ZDHHC18: variants seen among roughly 807,000 people sequenced by gnomAD.
ZDHHC18 encodes the protein zDHHC palmitoyltransferase 18.
Under a neutral mutation model 37.5 loss-of-function variants are expected in ZDHHC18, and 23 were observed. The observed-to-expected ratio is 0.61, with a 90% CI of 0.44 to 0.87. The LOEUF (loss-of-function observed/expected upper bound fraction) is 0.87. ZDHHC18 is among the 40% of genes least tolerant of loss of function. ZDHHC18 has a pLI of 0.00. For missense variants in ZDHHC18, 406 were observed against 525.6 expected, an observed-to-expected ratio of 0.77 and a Z score of 2.22; for synonymous variants, 185 against 218.7, an observed-to-expected ratio of 0.85 and a Z score of 1.36.
chr1:26,836,872 C>T (rs1455897026), intron 2 of ZDHHC18, among the ~76,000 whole-genome samples: 1 of 148,442 alleles, frequency 6.7e-6, no homozygotes, highest in Non-Finnish European at 1.5e-5. Context: ...CTGGCTGTAC[C>T]TTCATTTCTT....
At position 26,857,477 on chromosome 1, in the gene ZDHHC18, AG is replaced by A. The variant is rs571376077; in HGVS notation, c.*3638del. 9.2e-5 allele frequency: 14 copies of A among 152,160 alleles called. No individual in the cohort carries two copies. The highest frequency in any genetic ancestry group is 3.4e-4 in the African/African-American group (14 of 41,468). The allele number at this position is 152,160 out of a possible 1,614,324, so 9.4% of individuals were successfully genotyped here. A position where few individuals can be genotyped will look rare whatever the true frequency, so the allele number is the denominator to read the frequency against. Reference sequence around the variant, plus strand: ...AGCCGTGCACAGCCCCATACACTTCAGGGGACTAAAGGAAAGAGCTGAGCCA... The same window carrying A: ...AGCCGTGCACAGCCCCATACACTTCAGGGACTAAAGGAAAGAGCTGAGCCA... On this transcript the variant is annotated 3_prime_UTR_variant, in exon 8 of 8. Transcript: ENST00000374142.
Position 26,850,036 on chromosome 1 carries a change from G to C in ZDHHC18, c.647-265G>C, listed in dbSNP as rs1340692090. Among the ~76,000 whole-genome samples the C allele has an allele frequency of 2.0e-5, 3 of 152,232 alleles. No individual in the cohort carries two copies. Among genetic ancestry groups the C allele is most frequent in the African/African-American group, 7.2e-5 (3 of 41,458 alleles). On this transcript the variant is annotated intron_variant, in intron 3 of 7. Coordinates refer to ENST00000374142, the MANE Select transcript of ZDHHC18 (RefSeq NM_032283.3). This position sits in a 1 kb window ranked among gnomAD's most constrained non-coding sequence, Gnocchi z 6.1. ...GGCCCCCTCCCCTAGTCTGGGATTG[G>C]AAGAGACTTTCTTAAGGAGGTGGCT...
rs866259658 is a variant in ZDHHC18 at position 26,854,831 on chromosome 1, G to A, written c.*988G>A. On this transcript the variant is annotated 3_prime_UTR_variant, in exon 8 of 8. Coordinates refer to ENST00000374142, the MANE Select transcript of ZDHHC18 (RefSeq NM_032283.3). This position sits in a 1 kb window ranked among gnomAD's most constrained non-coding sequence, Gnocchi z 4.6. ...TTCCAAGAGACCTTCTGGCTGGAAT[G>A]AGTGAGAGTGTGTGTGCATGTGTGT... is the stretch of plus-strand genomic sequence containing the variant. 3 of 152,518 alleles carry A rather than the reference G, an allele frequency of 2.0e-5. No homozygotes were observed. The highest frequency in any genetic ancestry group is 7.2e-5 in the African/African-American group (3 of 41,426). 9.4% of individuals were successfully genotyped at this position (152,518 alleles called of 1,614,324 possible).
chr1:26,827,106 TC>T lies in ZDHHC18; in HGVS notation c.304del (p.Leu102SerfsTer19). The T allele has an allele frequency of 5.6e-6, 8 of 1,419,238 alleles. No individual in the cohort carries two copies. The highest frequency in any genetic ancestry group is 7.3e-6 in the Non-Finnish European group (8 of 1,089,736). 87.9% of individuals were successfully genotyped at this position (1,419,238 alleles called of 1,614,324 possible). The stretch of plus-strand genomic sequence containing the variant: ...GTCTTCGCGCTCACGCTGCTGCTCA[TC>T]CTCACCACCACCGGCCTCTTCTTCG... ...GGVFALTLLL[I>X]LTTTGLFFVF... On this transcript the variant is annotated frameshift_variant, in exon 1 of 8. Coordinates refer to ENST00000374142, the MANE Select transcript of ZDHHC18 (RefSeq NM_032283.3). LOFTEE classifies it high-confidence loss of function.
rs866927370 is a variant in ZDHHC18 at position 26,850,490 on chromosome 1, C to T, written c.784+52C>T. 4 of 1,614,206 alleles carry T rather than the reference C, an allele frequency of 2.5e-6. No individual in the cohort carries two copies. The highest frequency in any genetic ancestry group is 3.4e-6 in the Non-Finnish European group (4 of 1,180,020). On this transcript the variant is annotated intron_variant, in intron 4 of 7. Coordinates refer to ENST00000374142, the MANE Select transcript of ZDHHC18 (RefSeq NM_032283.3). The surrounding 1 kb of genome is among the most constrained non-coding windows in gnomAD (Gnocchi z 6.1). Reference sequence around the variant, plus strand: ...AGTGGAAGGGGTCAGCCAGCAAGCTCAAGGGTCAGCAAGCTTCAGCAGTCA... The same window carrying T: ...AGTGGAAGGGGTCAGCCAGCAAGCTTAAGGGTCAGCAAGCTTCAGCAGTCA...
Position 26,855,162 on chromosome 1 carries a change from G to A in ZDHHC18, c.*1319G>A, listed in dbSNP as rs1054700866. The A allele has an allele frequency of 2.2e-4, 33 of 152,318 alleles. No homozygotes were observed. Among genetic ancestry groups the A allele is most frequent in the Non-Finnish European group, 4.3e-4 (29 of 68,108 alleles). The allele number at this position is 152,318 out of a possible 1,614,324, so 9.4% of individuals were successfully genotyped here. Reference sequence around the variant, plus strand: ...AGACAGGCTGAGCCTGGGCGTGGTGGGTGGGGTGATGGCTCTGGGGAGCGG... The same window carrying A: ...AGACAGGCTGAGCCTGGGCGTGGTGAGTGGGGTGATGGCTCTGGGGAGCGG... On this transcript the variant is annotated 3_prime_UTR_variant, in exon 8 of 8. Transcript: ENST00000374142.
At position 26,852,849 on chromosome 1, in the gene ZDHHC18, G is replaced by T; in HGVS notation, c.1033G>T (p.Gly345Cys). ...IITNCCAVLCGPLPPSLIDRR... is the reference protein window; with the variant it reads ...IITNCCAVLCCPLPPSLIDRR... ...CACCAACTGCTGTGCTGTGCTCTGT[G>T]GCCCCCTACCTCCCAGGTAAGTGAG... The change falls in exon 7 of 8, where the codon GGC becomes TGC. Residue 345 changes from glycine to cysteine, a missense_variant. Coordinates refer to ENST00000374142, the MANE Select transcript of ZDHHC18 (RefSeq NM_032283.3). The T allele has an allele frequency of 6.2e-7, 1 of 1,613,924 alleles. No individual in the cohort carries two copies. The highest frequency in any genetic ancestry group is 8.5e-7 in the Non-Finnish European group (1 of 1,179,890).
At chr1:26,827,358 A>G (rs1035347950) in intron 1 of ZDHHC18, among the ~76,000 whole-genome samples, 12 of 74,364 alleles carry the variant, frequency 1.6e-4, no homozygotes, top group African/African-American at 6.4e-4. Context: ...TGGGTACCCC[A>G]TCCGCGCTGG....
intron 2 of ZDHHC18, among the ~76,000 whole-genome samples, chr1:26,848,299 T>G: frequency 6.7e-6 from 1 of 150,224 alleles, no homozygotes. Flanking sequence ...GGCGACAGAG[T>G]GAGACTCTGC....
chr1:26,834,917 A>G (rs1464267429), intron 2 of ZDHHC18, among the ~76,000 whole-genome samples: 3 of 152,246 alleles, frequency 2.0e-5, no homozygotes, highest in Non-Finnish European at 4.4e-5. Flanking sequence ...GTTCCAGACA[A>G]GTTGGCCCCA....
intron 2 of ZDHHC18, among the ~76,000 whole-genome samples, chr1:26,834,935 G>T (rs902890300): frequency 5.3e-5 from 8 of 152,242 alleles, no homozygotes; most frequent in Non-Finnish European, 1.0e-4. Flanking sequence ...CCAGGTGGGA[G>T]CCCTGACCAG....
intron 2 of ZDHHC18, among the ~76,000 whole-genome samples, chr1:26,848,127 C>T (rs560499691): frequency 2.6e-5 from 4 of 152,090 alleles, no homozygotes; most frequent in Non-Finnish European, 4.4e-5. Flanking sequence ...GCCTGGCCAA[C>T]GTGGTGAAAC....
intron 6 of ZDHHC18, among the ~76,000 whole-genome samples, chr1:26,852,471 A>G (rs1265380161): frequency 2.0e-5 from 3 of 152,122 alleles, no homozygotes; most frequent in Non-Finnish European, 4.4e-5. Flanking sequence ...CCCCTGCGCT[A>G]CCCTCCTTCA....
rs2081698940 is a variant in ZDHHC18, at chr1:26,850,745, C to G, written c.833+139C>G. 7.7e-6 allele frequency: 8 copies of G among 1,043,436 alleles called. No homozygotes were observed. In the South Asian group the frequency reaches 1.2e-4, roughly 15 times the overall value. 64.6% of individuals were successfully genotyped at this position (1,043,436 alleles called of 1,614,324 possible). A position where few individuals can be genotyped will look rare whatever the true frequency, so the allele number is the denominator to read the frequency against. ...TCCAGAATCCAACATGCCAGCTCTT[C>G]TGTTCACACCCAGGCAAGAGCTGAT... On this transcript the variant is annotated intron_variant, in intron 5 of 7. Transcript: ENST00000374142. This position sits in a 1 kb window ranked among gnomAD's most constrained non-coding sequence, Gnocchi z 6.1.
chr1:26,830,941 C>T (rs2081586589), intron 1 of ZDHHC18, among the ~76,000 whole-genome samples: 1 of 152,120 alleles, frequency 6.6e-6, no homozygotes, highest in South Asian at 2.1e-4. Context: ...TGCTACCACA[C>T]CCTGCTAATT....
chr1:26,842,150 AGAG>A (rs574862640), intron 2 of ZDHHC18, among the ~76,000 whole-genome samples: 7,958 of 144,296 alleles, frequency 0.055, 251 homozygotes, highest in Non-Finnish European at 0.075. Flanking sequence ...AAAAAAAAAA[AGAG>A]AGAGAGAGAG....
rs1479096929 is a variant in ZDHHC18 at position 26,855,983 on chromosome 1, CAG to C, written c.*2141_*2142del. On this transcript the variant is annotated 3_prime_UTR_variant, in exon 8 of 8. Coordinates refer to ENST00000374142, the MANE Select transcript of ZDHHC18 (RefSeq NM_032283.3). ...TTGTCCCCTCCACCTTCCCCTGCCTCAGGGGCTTGGAGACCCCCAAATTCTTC... is the reference window on the plus strand; with the variant it reads ...TTGTCCCCTCCACCTTCCCCTGCCTCGGGCTTGGAGACCCCCAAATTCTTC... The C allele has an allele frequency of 3.3e-6, 1 of 306,724 alleles. No individual in the cohort carries two copies. Among genetic ancestry groups the C allele is most frequent in the African/African-American group, 2.2e-5 (1 of 46,190 alleles). 19.0% of individuals were successfully genotyped at this position (306,724 alleles called of 1,614,324 possible).
At chr1:26,828,387 C>T (rs374456437) in intron 1 of ZDHHC18, among the ~76,000 whole-genome samples, 112 of 152,180 alleles carry the variant, frequency 7.4e-4, no homozygotes, top group African/African-American at 2.6e-3. Context: ...CCAGTTTCCT[C>T]ATCAGTAAAA....
rs737524 is a variant in ZDHHC18 at position 26,854,338 on chromosome 1, A to C, written c.*495A>C. 60,974 of 152,540 alleles carry C rather than the reference A, an allele frequency of 0.4. 12,774 individuals carry two copies. The highest frequency in any genetic ancestry group is 0.45 in the African/African-American group (18,493 of 41,416). 9.4% of individuals were successfully genotyped at this position (152,540 alleles called of 1,614,324 possible). ...ATTCCCTTGGTGATAATTTCCCTTT[A>C]TTCTGTGGGATTTTTGGTGGGGTTT... On this transcript the variant is annotated 3_prime_UTR_variant, in exon 8 of 8. Transcript: ENST00000374142. This position sits in a 1 kb window ranked among gnomAD's most constrained non-coding sequence, Gnocchi z 4.6.
Sources: gnomAD v4.1 joint callset for allele counts (sites outside exome capture counted in the v4.1 genomes callset) on GRCh38, gnomAD v4.1.1 for gene constraint, Gnocchi (gnomAD v3.1) non-coding constraint, MANE v1.5 for transcripts, NCBI Gene and HGNC (gene_info 2026-07-23, HGNC 2026-07-21) for gene names.